Variants in BICDL1 observed in about 807,000 individuals in gnomAD.
The protein encoded by BICDL1 is BICD family-like cargo adapter 1.
A neutral mutation model predicts 76.8 loss-of-function variants in BICDL1; 20 were observed. The observed-to-expected ratio is 0.26, with a 90% CI of 0.18 to 0.38. The LOEUF is 0.38. Ranked by LOEUF, BICDL1 falls within the 10% of genes least tolerant of loss-of-function variation. BICDL1 has a pLI of 1.00. For missense variants in BICDL1, 700 were observed against 798.6 expected (o/e 0.88, Z 1.49); for synonymous variants, 383 against 337.1 (o/e 1.14, Z -1.49).
chr12:120,057,818 CTTTTTTTTTTTTT>C (rs143777152), intron 2 of BICDL1, among the ~76,000 whole-genome samples: 8 of 78,324 alleles, frequency 1.0e-4, no homozygotes, highest in African/African-American at 1.9e-4. Flanking sequence ...GCGATTCCTG[CTTTTTTTTTTTTT>C]TTTTTTTTTT....
At chr12:120,090,786 G>A in intron 9 of BICDL1, 1 of 870,944 alleles carries the variant, frequency 1.1e-6, no homozygotes, top group Non-Finnish European at 1.6e-6. Context: ...GGGCCCCATG[G>A]GGCTGGCAGC....
intron 2 of BICDL1, among the ~76,000 whole-genome samples, chr12:120,023,865 T>A (rs551247109): frequency 6.6e-6 from 1 of 151,386 alleles, no homozygotes; most frequent in South Asian, 2.1e-4. Flanking sequence ...ATAAAGAGAA[T>A]AATCTGTTGA....
intron 2 of BICDL1, among the ~76,000 whole-genome samples, chr12:120,045,797 A>G (rs1486705056): frequency 1.3e-5 from 2 of 150,492 alleles, no homozygotes; most frequent in Admixed American, 6.6e-5. Context: ...GAGGGATAGC[A>G]TTGGGAGATA....
At chr12:120,090,871 C>T in intron 9 of BICDL1, 2 of 1,288,780 alleles carry the variant, frequency 1.6e-6, no homozygotes, top group South Asian at 2.5e-5. Flanking sequence ...TGGCCGCGCC[C>T]TGGCTGACCG....
In BICDL1 at chr12:120,071,884, TC is replaced by T. The variant is rs1566259248; in HGVS notation, c.1089+85del. 1 of 1,440,628 alleles carries T rather than the reference TC, an allele frequency of 6.9e-7. No individual in the cohort carries two copies. Among genetic ancestry groups the T allele is most frequent in the Non-Finnish European group, 9.1e-7 (1 of 1,097,012 alleles). 89.2% of individuals were successfully genotyped at this position (1,440,628 alleles called of 1,614,324 possible). On this transcript the variant is annotated intron_variant, in intron 5 of 9. Coordinates refer to ENST00000548673, the MANE Select transcript of BICDL1 (RefSeq NM_001367886.1). This position sits in a 1 kb window ranked among gnomAD's most constrained non-coding sequence, Gnocchi z 4.8. Reference sequence around the variant, plus strand: ...CCTCCTCCCTAGTGCTCAGCTGCCATCCTGGCAAGGCTGTGCCCCTGTGCCT... The same window carrying T: ...CCTCCTCCCTAGTGCTCAGCTGCCATCTGGCAAGGCTGTGCCCCTGTGCCT...
intron 1 of BICDL1, among the ~76,000 whole-genome samples, chr12:119,997,474 A>T (rs543542017): frequency 6.6e-6 from 1 of 152,222 alleles, no homozygotes; most frequent in Non-Finnish European, 1.5e-5. Context: ...GAATGAATCA[A>T]TGTATCAAAT....
intron 2 of BICDL1, among the ~76,000 whole-genome samples, chr12:120,059,980 T>G (rs902359824): frequency 5.3e-5 from 8 of 152,242 alleles, no homozygotes; most frequent in African/African-American, 1.9e-4. Context: ...CCCAAAGTGC[T>G]GGGATTACAG....
chr12:119,998,577 G>A lies in BICDL1; in HGVS notation c.486G>A (p.Glu162=). ...LRRRFENREG[E]WEGRVSELES... Reference sequence around the variant, plus strand: ...GACGATTTGAGAACCGAGAAGGGGAGTGGGAAGGCCGAGTGTCAGAGCTGG... The same window carrying A: ...GACGATTTGAGAACCGAGAAGGGGAATGGGAAGGCCGAGTGTCAGAGCTGG... Residue 162 remains glutamate, a synonymous_variant, in exon 2 of 10, where the codon GAG becomes GAA. Coordinates refer to ENST00000548673, the MANE Select transcript of BICDL1 (RefSeq NM_001367886.1). 6.2e-7 allele frequency: 1 copy of A among 1,614,084 alleles called. No homozygotes were observed. Among genetic ancestry groups the A allele is most frequent in the Non-Finnish European group, 8.5e-7 (1 of 1,179,988 alleles).
At position 120,008,887 on chromosome 12, in the gene BICDL1, G is replaced by T. The variant is rs372576382; in HGVS notation, c.645+10151G>T. On this transcript the variant is annotated intron_variant, in intron 2 of 9. Coordinates refer to ENST00000548673, the MANE Select transcript of BICDL1 (RefSeq NM_001367886.1). ...TCCAGCATTTCCAGATTGTGCTATT[G>T]CTAATTAGTAGGTTAAACACATTAG... 1.5e-4 allele frequency among the ~76,000 whole-genome samples: 22 copies of T among 151,180 alleles called. No homozygotes were observed. In the East Asian group the frequency reaches 2.3e-3, roughly 16 times the overall value.
chr12:120,060,090 T>G (rs76353928), intron 2 of BICDL1, among the ~76,000 whole-genome samples: 20,219 of 152,242 alleles, frequency 0.13, 1,667 homozygotes, highest in East Asian at 0.4. Flanking sequence ...GCCGATTTCC[T>G]TGTTAATTGG....
In BICDL1 at chr12:120,088,582, C is replaced by T. The variant is rs1874637122; in HGVS notation, c.1584-1369C>T. On this transcript the variant is annotated intron_variant, in intron 8 of 9. Coordinates refer to ENST00000548673, the MANE Select transcript of BICDL1 (RefSeq NM_001367886.1). ...ATGTTGGCCAGGCTGGTCTCGAACT[C>T]CTGACCTCAGGTGATCCTTCCACCT... is the stretch of plus-strand genomic sequence containing the variant. Among the ~76,000 whole-genome samples, 3 of 152,108 alleles carry T rather than the reference C, an allele frequency of 2.0e-5. No homozygotes were observed. The South Asian group carries it at 6.2e-4, about 32-fold the overall frequency.
At chr12:120,047,746 AC>A (rs1312960544) in intron 2 of BICDL1, among the ~76,000 whole-genome samples, 1 of 152,154 alleles carries the variant, frequency 6.6e-6, no homozygotes, top group Non-Finnish European at 1.5e-5. Flanking sequence ...TGAAGGTCAT[AC>A]AGCTATGTAC....
chr12:120,018,024 A>G (rs914698524), intron 2 of BICDL1, among the ~76,000 whole-genome samples: 1 of 152,180 alleles, frequency 6.6e-6, no homozygotes, highest in Non-Finnish European at 1.5e-5. Context: ...CTTTTTGGAT[A>G]GGAACCTTCT....
At chr12:119,994,150 T>C (rs1283058309) in intron 1 of BICDL1, among the ~76,000 whole-genome samples, 1 of 152,208 alleles carries the variant, frequency 6.6e-6, no homozygotes, top group Non-Finnish European at 1.5e-5. Context: ...ACTGCAGAGA[T>C]TGTTCTCTTC....
intron 1 of BICDL1, among the ~76,000 whole-genome samples, chr12:119,996,950 A>AT (rs368753843): frequency 0.091 from 11,059 of 121,382 alleles, 1,005 homozygotes; most frequent in African/African-American, 0.27. Flanking sequence ...AAACAAAAAG[A>AT]TTTTTTTTTT....
intron 2 of BICDL1, among the ~76,000 whole-genome samples, chr12:120,041,231 G>C (rs1452827174): frequency 1.3e-5 from 2 of 151,976 alleles, no homozygotes; most frequent in Non-Finnish European, 2.9e-5. Flanking sequence ...AATAGTTAGG[G>C]GCAAGGGCCA....
At chr12:120,062,743 A>G (rs1412049002) in intron 3 of BICDL1, among the ~76,000 whole-genome samples, 5 of 151,946 alleles carry the variant, frequency 3.3e-5, no homozygotes, top group African/African-American at 2.4e-5. Flanking sequence ...GCCTACTGGT[A>G]TTGAGCAGCA....
chr12:119,989,691 G>T lies in BICDL1; in HGVS notation c.-178G>T, dbSNP rs566963586. 6.8e-6 allele frequency among the ~76,000 whole-genome samples: 1 copy of T among 146,190 alleles called. No homozygotes were observed. The highest frequency in any genetic ancestry group is 2.0e-4 in the East Asian group (1 of 4,972). ...GGCGGGGGAGGGGGCGCGTGCCGCC[G>T]GCGCGGGGGAGGGGCGGGCCGGCGC... On this transcript the variant is annotated 5_prime_UTR_variant, in exon 1 of 10. Transcript: ENST00000548673.
intron 4 of BICDL1, among the ~76,000 whole-genome samples, chr12:120,070,075 T>A (rs1872970671): frequency 6.6e-6 from 1 of 152,222 alleles, no homozygotes; most frequent in Non-Finnish European, 1.5e-5. Context: ...TGTTTCCCAT[T>A]TGTGGTTATT....
Sources: allele counts gnomAD v4.1 joint callset (sites outside exome capture counted in the v4.1 genomes callset), GRCh38; gene constraint gnomAD v4.1.1; non-coding constraint Gnocchi (gnomAD v3.1); transcripts MANE v1.5; gene names NCBI Gene and HGNC (gene_info 2026-07-23, HGNC 2026-07-21).